LLGL2: variants seen among roughly 807,000 people sequenced by gnomAD.
LLGL2 encodes LLGL2, scribble cell polarity complex component.
LLGL2 carries 81 observed loss-of-function variants against 123.2 expected under a neutral mutation model. The observed-to-expected ratio is 0.66, with a 90% CI of 0.55 to 0.79. The LOEUF is 0.79. Among genes scored for constraint, LLGL2 ranks in the 30% least tolerant of loss-of-function variants. LLGL2 has a pLI of 0.00. For missense variants in LLGL2, 1,273 were observed against 1,414.6 expected (o/e 0.90, Z 1.61); for synonymous variants, 577 against 594.1 (o/e 0.97, Z 0.42).
rs753490919 is a variant in LLGL2 at position 75,563,035 on chromosome 17, C to A, written c.550C>A (p.His184Asn). 6.2e-7 allele frequency: 1 copy of A among 1,612,594 alleles called. No homozygotes were observed. Among genetic ancestry groups the A allele is most frequent in the South Asian group, 1.1e-5 (1 of 91,084 alleles). Residue 184 changes from histidine to asparagine, a missense_variant, in exon 7 of 26, where the codon CAC becomes AAC. By Grantham distance (68) the His-to-Asn change is moderately conservative. Coordinates refer to ENST00000392550, the MANE Select transcript of LLGL2 (RefSeq NM_001031803.2). ...GCCCAGGTTGCCAGAGGAGGCCCGC[C>A]ACCGGCGTGTGTTCGAGATGGTGGA... is the stretch of plus-strand genomic sequence containing the variant. The part of the protein sequence containing the change: ...VLQRLPEEAR[H>N]RRVFEMVEAL...
intron 1 of LLGL2, among the ~76,000 whole-genome samples, chr17:75,527,167 CAAA>C (rs200100321): frequency 7.7e-5 from 10 of 129,786 alleles, no homozygotes; most frequent in Non-Finnish European, 6.4e-5. Flanking sequence ...GACCCTGTCT[CAAA>C]AAAAAAAAAA....
Position 75,564,557 on chromosome 17 carries a change from G to A in LLGL2, c.1036+50G>A, listed in dbSNP as rs192033141. ...CCCAGGGTTAGGTGTGGGAGGCATG[G>A]GGCAGGACCATCAGTAAAGACAGGG... On this transcript the variant is annotated intron_variant, in intron 10 of 25. Transcript: ENST00000392550. The surrounding 1 kb of genome is among the most constrained non-coding windows in gnomAD (Gnocchi z 4.9). 1.7e-3 allele frequency: 2,745 copies of A among 1,605,676 alleles called. 4 individuals are homozygous for A. Among genetic ancestry groups the A allele is most frequent in the Non-Finnish European group, 2.2e-3 (2,619 of 1,174,232 alleles).
chr17:75,563,917 G>A (rs893879366), intron 9 of LLGL2, 111 bp downstream of exon 9: 196 of 1,086,468 alleles, frequency 1.8e-4, no homozygotes, highest in Non-Finnish European at 2.4e-4. Context: ...CTCAGGTCCC[G>A]TGTTGGGGTC....
At position 75,558,098 on chromosome 17, in the gene LLGL2, C is replaced by A; in HGVS notation, c.174-57C>A. On this transcript the variant is annotated intron_variant, in intron 3 of 25. Coordinates refer to ENST00000392550, the MANE Select transcript of LLGL2 (RefSeq NM_001031803.2). This position sits in a 1 kb window ranked among gnomAD's most constrained non-coding sequence, Gnocchi z 4.0. ...ACATGGGCCCCGAGGGCCTGGCACT[C>A]AAGGCAGGCAGGGGATGGTGTCCGA... 1 of 1,539,044 alleles carries A rather than the reference C, an allele frequency of 6.5e-7. No homozygotes were observed. The highest frequency in any genetic ancestry group is 1.1e-5 in the South Asian group (1 of 89,658).
chr17:75,563,924 G>A (rs549880602), intron 9 of LLGL2, 118 bp downstream of exon 9: 86 of 994,854 alleles, frequency 8.6e-5, no homozygotes, highest in Admixed American at 3.6e-4. Context: ...CCCGTGTTGG[G>A]GTCTTGGACA....
chr17:75,573,131 G>A lies in LLGL2; in HGVS notation c.2578G>A (p.Gly860Arg), dbSNP rs142947637. Reference sequence around the variant, plus strand: ...CGGCAGTCGTCGAGCCGAGGACTACGGGGAGCACCACCTGGCAGTCCTTAC... The same window carrying A: ...CGGCAGTCGTCGAGCCGAGGACTACAGGGAGCACCACCTGGCAGTCCTTAC... The part of the protein sequence containing the change: ...HFGSRRAEDY[G>R]EHHLAVLTNL... The change falls in exon 20 of 26, where the codon GGG becomes AGG. Residue 860 changes from glycine (G) to arginine (R), a missense_variant. Transcript: ENST00000392550. 33 of 1,613,004 alleles carry A rather than the reference G, an allele frequency of 2.0e-5. No individual in the cohort carries two copies. The highest frequency in any genetic ancestry group is 8.0e-5 in the African/African-American group (6 of 75,014).
intron 1 of LLGL2, among the ~76,000 whole-genome samples, chr17:75,527,565 A>T (rs1381654401): frequency 6.6e-6 from 1 of 152,098 alleles, no homozygotes; most frequent in Non-Finnish European, 1.5e-5. Context: ...AGAAAAAAGT[A>T]ACTTTTTTCT....
intron 19 of LLGL2, among the ~76,000 whole-genome samples, chr17:75,572,582 G>A (rs1026632249): frequency 8.0e-5 from 12 of 150,244 alleles, no homozygotes; most frequent in African/African-American, 2.7e-4. Context: ...GGAGAATGGC[G>A]TGAACCCAGG....
intron 6 of LLGL2, chr17:75,562,156 C>G (rs1278581099): frequency 1.3e-5 from 2 of 152,122 alleles, no homozygotes; most frequent in African/African-American, 4.8e-5. Flanking sequence ...TGCAACACCT[C>G]CAGCCCTCAC....
At position 75,564,689 on chromosome 17, in the gene LLGL2, C is replaced by G; in HGVS notation, c.1036+182C>G. The G allele has an allele frequency of 1.0e-6, 1 of 979,852 alleles. No individual in the cohort carries two copies. Among genetic ancestry groups the G allele is most frequent in the Non-Finnish European group, 1.4e-6 (1 of 697,398 alleles). The allele number at this position is 979,852 out of a possible 1,614,324, so 60.7% of individuals were successfully genotyped here. On this transcript the variant is annotated intron_variant, in intron 10 of 25. Transcript: ENST00000392550. The surrounding 1 kb of genome is among the most constrained non-coding windows in gnomAD (Gnocchi z 4.9). ...TCCAGCCTGGACAACGTAGGGAGAC[C>G]CTTGTCTCTACAAAAAATAAAAAAA...
chr17:75,573,307 G>A (rs368386613), intron 20 of LLGL2, 29 bp downstream of exon 20: 8 of 1,578,128 alleles, frequency 5.1e-6, no homozygotes, highest in Non-Finnish European at 6.9e-6. Flanking sequence ...GTGGGTGTCG[G>A]GGCCCCGGGC....
chr17:75,568,458 C>T lies in LLGL2; in HGVS notation c.1037-18C>T. Reference sequence around the variant, plus strand: ...CTTCCTCCTGGCCCCGGCCCCTGACCCTTGCCCTGTACCCCAGCCTTTGAC... The same window carrying T: ...CTTCCTCCTGGCCCCGGCCCCTGACTCTTGCCCTGTACCCCAGCCTTTGAC... On this transcript the variant is annotated intron_variant, in intron 10 of 25. Coordinates refer to ENST00000392550, the MANE Select transcript of LLGL2 (RefSeq NM_001031803.2). 6.2e-7 allele frequency: 1 copy of T among 1,610,172 alleles called. No homozygotes were observed. Among genetic ancestry groups the T allele is most frequent in the Non-Finnish European group, 8.5e-7 (1 of 1,179,648 alleles).
At chr17:75,537,809 C>CTTT (rs563954111) in intron 1 of LLGL2, among the ~76,000 whole-genome samples, 12,371 of 129,988 alleles carry the variant, frequency 0.095, 885 homozygotes, top group African/African-American at 0.17. Flanking sequence ...GGAAGGTGAC[C>CTTT]TTTTTTTTTT....
At position 75,563,373 on chromosome 17, in the gene LLGL2, G is replaced by C; in HGVS notation, c.736G>C (p.Val246Leu). ...GTGGCAGCGGGACGGCCGCCTGCTC[G>C]TCAGCTGTCACTCTGACGGCAGCTA... ...IWWQRDGRLL[V>L]SCHSDGSYCQ... The change falls in exon 8 of 26, where the codon GTC becomes CTC. Residue 246 changes from valine (V) to leucine (L), a missense_variant. Physicochemically the swap from Val to Leu is conservative, Grantham distance 32 (BLOSUM62 1). Transcript: ENST00000392550. 2 of 1,612,852 alleles carry C rather than the reference G, an allele frequency of 1.2e-6. No homozygotes were observed. The highest frequency in any genetic ancestry group is 8.5e-7 in the Non-Finnish European group (1 of 1,180,014).
At chr17:75,542,371 C>T (rs2054248044) in intron 1 of LLGL2, among the ~76,000 whole-genome samples, 1 of 152,040 alleles carries the variant, frequency 6.6e-6, no homozygotes, top group Admixed American at 6.5e-5. Context: ...CTCCAGGGTG[C>T]GGCCTGGATC....
rs753168057 is a variant in LLGL2, at chr17:75,574,669, G to A, written c.3055+1G>A. ...GGGTGCAGCCTCAGCAATGGCGGAG[G>A]TGGGGGCTCTGGGCTTGAGTGCAGC... On this transcript the variant is annotated splice_donor_variant, in intron 25 of 25. Coordinates refer to ENST00000392550, the MANE Select transcript of LLGL2 (RefSeq NM_001031803.2). LOFTEE classifies it high-confidence loss of function. 1.7e-5 allele frequency: 28 copies of A among 1,611,014 alleles called. No homozygotes were observed. Among genetic ancestry groups the A allele is most frequent in the Admixed American group, 3.3e-5 (2 of 59,742 alleles).
intron 24 of LLGL2, 41 bp downstream of exon 24, chr17:75,574,536 C>T: frequency 6.3e-7 from 1 of 1,583,204 alleles, no homozygotes; most frequent in Non-Finnish European, 8.6e-7. Context: ...GCCCGAGGCT[C>T]TGCCAGAGGG....
chr17:75,556,644 G>A (rs1172668412), intron 3 of LLGL2, among the ~76,000 whole-genome samples: 2 of 152,200 alleles, frequency 1.3e-5, no homozygotes, highest in African/African-American at 4.8e-5. Flanking sequence ...TGGCTGGCTG[G>A]TGCGCCAGTA....
At chr17:75,552,738 G>A (rs2054734142) in intron 2 of LLGL2, among the ~76,000 whole-genome samples, 1 of 152,248 alleles carries the variant, frequency 6.6e-6, no homozygotes, top group Non-Finnish European at 1.5e-5. Flanking sequence ...TCCAGCCCCT[G>A]TTCTTCTAGA....
Sources: gnomAD v4.1 joint callset for allele counts (sites outside exome capture counted in the v4.1 genomes callset) on GRCh38, gnomAD v4.1.1 for gene constraint, Gnocchi (gnomAD v3.1) non-coding constraint, MANE v1.5 for transcripts, NCBI Gene and HGNC (gene_info 2026-07-23, HGNC 2026-07-21) for gene names.